The following MAP3K20 variants were observed in gnomAD, a reference collection of about 807,000 sequenced individuals.
MAP3K20 encodes the protein mitogen-activated protein kinase kinase kinase 20.
A neutral mutation model predicts 85.7 loss-of-function variants in MAP3K20; 40 were observed. The ratio of observed to expected loss-of-function variants is 0.47; its 90% CI spans 0.36 to 0.61. The LOEUF (loss-of-function observed/expected upper bound fraction) is 0.61. Among genes scored for constraint, MAP3K20 ranks in the 20% least tolerant of loss-of-function variants. MAP3K20 has a pLI of 0.00. For synonymous variants in MAP3K20, 325 were observed against 327.7 expected (o/e 0.99, Z 0.09); for missense variants, 817 against 961.7 (o/e 0.85, Z 1.99).
chr2:173,220,952 T>C (rs974938616), intron 11 of MAP3K20, among the ~76,000 whole-genome samples: 2 of 152,212 alleles, frequency 1.3e-5, no homozygotes, highest in Admixed American at 6.5e-5. Context: ...TGATTTATCC[T>C]GTCATTCATA....
intron 2 of MAP3K20, among the ~76,000 whole-genome samples, chr2:173,110,386 T>C (rs1355415987): frequency 6.7e-6 from 1 of 149,400 alleles, no homozygotes; most frequent in African/African-American, 2.5e-5. Flanking sequence ...CCTGAGTAGC[T>C]GGGACTATAG....
At chr2:173,087,062 A>C (rs148732460) in intron 1 of MAP3K20, among the ~76,000 whole-genome samples, 8 of 152,264 alleles carry the variant, frequency 5.3e-5, no homozygotes, top group Non-Finnish European at 5.9e-5. Context: ...AAGAATAACC[A>C]GAAGCTATTT....
intron 4 of MAP3K20, among the ~76,000 whole-genome samples, chr2:173,184,679 C>T (rs542877640): frequency 6.6e-6 from 1 of 152,148 alleles, no homozygotes; most frequent in South Asian, 2.1e-4. Flanking sequence ...GAGTCCCAGG[C>T]GGGTGGATCA....
intron 3 of MAP3K20, 71 bp downstream of exon 3, chr2:173,169,963 G>A: frequency 7.2e-7 from 1 of 1,381,922 alleles, no homozygotes; most frequent in Non-Finnish European, 1.0e-6. Context: ...ATGCTAAAAT[G>A]CTTAATATTA....
At chr2:173,194,465 G>C (rs1395371907) in intron 7 of MAP3K20, among the ~76,000 whole-genome samples, 1 of 152,050 alleles carries the variant, frequency 6.6e-6, no homozygotes, top group East Asian at 1.9e-4. Flanking sequence ...AGCATTATGT[G>C]TTCAAAGTAG....
At chr2:173,224,204 A>T (rs1684326308) in intron 11 of MAP3K20, 5 of 963,578 alleles carry the variant, frequency 5.2e-6, no homozygotes, top group Non-Finnish European at 6.2e-6. Context: ...GTGGTCAGGA[A>T]AGGCCCCACT....
intron 2 of MAP3K20, among the ~76,000 whole-genome samples, chr2:173,137,158 C>T (rs1407178928): frequency 1.3e-5 from 2 of 152,156 alleles, no homozygotes; most frequent in African/African-American, 4.8e-5. Flanking sequence ...AGTGTTAAAG[C>T]GTTAGATTTG....
At chr2:173,218,519 C>G (rs1684142720) in intron 11 of MAP3K20, among the ~76,000 whole-genome samples, 1 of 152,192 alleles carries the variant, frequency 6.6e-6, no homozygotes, top group Non-Finnish European at 1.5e-5. Context: ...TGAGTGGCAG[C>G]AGGCAGCCTC....
intron 2 of MAP3K20, among the ~76,000 whole-genome samples, chr2:173,127,745 A>G (rs1221278128): frequency 6.6e-6 from 1 of 152,144 alleles, no homozygotes; most frequent in East Asian, 1.9e-4. Flanking sequence ...ACAAAAAAAA[A>G]AAAAGTAAGA....
intron 12 of MAP3K20, among the ~76,000 whole-genome samples, chr2:173,230,293 G>A (rs926782922): frequency 5.3e-5 from 8 of 152,096 alleles, no homozygotes; most frequent in South Asian, 2.1e-4. Flanking sequence ...GTGGCAGCTC[G>A]GGAAAACAAA....
intron 2 of MAP3K20, among the ~76,000 whole-genome samples, chr2:173,141,614 AAGG>A (rs1426546690): frequency 6.6e-6 from 1 of 152,150 alleles, no homozygotes; most frequent in Non-Finnish European, 1.5e-5. Context: ...CACAGAAAGA[AAGG>A]AGAGAGAGAG....
At chr2:173,208,590 ACACACATG>A (rs1683770146) in intron 9 of MAP3K20, among the ~76,000 whole-genome samples, 1 of 152,222 alleles carries the variant, frequency 6.6e-6, no homozygotes, top group African/African-American at 2.4e-5. Flanking sequence ...AGACACAGGC[ACACACATG>A]CACACAAGTG....
intron 1 of MAP3K20, among the ~76,000 whole-genome samples, chr2:173,089,885 T>C (rs947625835): frequency 2.6e-5 from 4 of 152,234 alleles, no homozygotes; most frequent in African/African-American, 9.6e-5. Context: ...GTCATTGTGT[T>C]TAAGTTTTCC....
At chr2:173,195,429 A>AAAAC (rs1348339634) in intron 7 of MAP3K20, among the ~76,000 whole-genome samples, 3 of 152,228 alleles carry the variant, frequency 2.0e-5, no homozygotes, top group Admixed American at 2.0e-4. Flanking sequence ...CTGTAAACTG[A>AAAAC]AAACATAAAT....
chr2:173,172,998 A>G (rs986103091), intron 3 of MAP3K20, among the ~76,000 whole-genome samples: 1 of 151,964 alleles, frequency 6.6e-6, no homozygotes, highest in Non-Finnish European at 1.5e-5. Flanking sequence ...GGGTTTCACC[A>G]TGTTGGGCAG....
intron 3 of MAP3K20, among the ~76,000 whole-genome samples, chr2:173,178,841 A>T (rs1690243139): frequency 6.6e-6 from 1 of 152,192 alleles, no homozygotes. Flanking sequence ...ATACAGAGAC[A>T]TAAGAAAGCG....
intron 2 of MAP3K20, among the ~76,000 whole-genome samples, chr2:173,107,653 C>T (rs950970155): frequency 1.3e-5 from 2 of 152,184 alleles, no homozygotes; most frequent in Non-Finnish European, 2.9e-5. Flanking sequence ...TGGGCTTTAG[C>T]GTCAGACAGG....
At chr2:173,207,685 A>AAAT (rs1683734452) in intron 9 of MAP3K20, 1 of 151,770 alleles carries the variant, frequency 6.6e-6, no homozygotes, top group Non-Finnish European at 1.5e-5. Context: ...ACAAATAGAG[A>AAAT]AATAATGTAT....
Position 173,198,125 on chromosome 2 carries a change from T to G in MAP3K20, c.669+13T>G, listed in dbSNP as rs772989257. The G allele has an allele frequency of 6.2e-7, 1 of 1,609,218 alleles. No individual in the cohort carries two copies. The highest frequency in any genetic ancestry group is 8.5e-7 in the Non-Finnish European group (1 of 1,176,770). On this transcript the variant is annotated intron_variant, in intron 8 of 19. Transcript: ENST00000375213. The surrounding 1 kb of genome is among the most constrained non-coding windows in gnomAD (Gnocchi z 5.8). The stretch of plus-strand genomic sequence containing the variant: ...GGAAAAAAACGAGGTAAGACTACGT[T>G]TCTCCATTCAGGTACATAGATCAGA...
Sources: allele counts gnomAD v4.1 joint callset (sites outside exome capture counted in the v4.1 genomes callset), GRCh38; gene constraint gnomAD v4.1.1; non-coding constraint Gnocchi (gnomAD v3.1); transcripts MANE v1.5; gene names NCBI Gene and HGNC (gene_info 2026-07-23, HGNC 2026-07-21).